Variants in TMEM108 observed in about 807,000 individuals in gnomAD.
TMEM108 encodes the protein transmembrane protein 108, also known as cancer/testis antigen 124.
Under a neutral mutation model 35.1 loss-of-function variants are expected in TMEM108, and 12 were observed. That is an observed-to-expected ratio of 0.34 (90% CI 0.22 to 0.55). The LOEUF (loss-of-function observed/expected upper bound fraction) is 0.55, where lower values mean the gene tolerates loss of function less well. TMEM108 is among the 20% of genes least tolerant of loss of function. The pLI is 0.89. For missense variants in TMEM108, 680 were observed against 753.3 expected (o/e 0.90, Z 1.14); for synonymous variants, 287 against 308.6 (o/e 0.93, Z 0.73).
intron 3 of TMEM108, among the ~76,000 whole-genome samples, chr3:133,244,584 A>G (rs150991898): frequency 1.2e-3 from 180 of 152,360 alleles, no homozygotes; most frequent in Non-Finnish European, 2.2e-3. Flanking sequence ...TCATAATGAT[A>G]AATGAGTATG....
In TMEM108 at chr3:133,396,337, C is replaced by G. The variant is rs572219680; in HGVS notation, c.*351C>G. ...AGCTGAATGTTACAGTGCAAGCGCACGATTCTTTGAGTGATTCTTAAAGCT... is the reference window on the plus strand; with the variant it reads ...AGCTGAATGTTACAGTGCAAGCGCAGGATTCTTTGAGTGATTCTTAAAGCT... On this transcript the variant is annotated 3_prime_UTR_variant, in exon 6 of 6. Transcript: ENST00000321871. The G allele has an allele frequency of 6.5e-6, 1 of 153,452 alleles. No individual in the cohort carries two copies. The highest frequency in any genetic ancestry group is 2.4e-5 in the African/African-American group (1 of 41,414). 9.5% of individuals were successfully genotyped at this position (153,452 alleles called of 1,614,324 possible).
chr3:133,108,248 G>A (rs183031712), intron 2 of TMEM108, among the ~76,000 whole-genome samples: 19 of 152,056 alleles, frequency 1.2e-4, no homozygotes, highest in East Asian at 3.9e-4. Flanking sequence ...AAAGTTGTTC[G>A]TTCCTATTTC....
At chr3:133,165,942 C>T (rs1178998832) in intron 2 of TMEM108, among the ~76,000 whole-genome samples, 1 of 152,158 alleles carries the variant, frequency 6.6e-6, no homozygotes, top group Non-Finnish European at 1.5e-5. Context: ...CATGAAGGCA[C>T]CCAAGTGGGC....
chr3:133,237,034 G>A (rs1946247420), intron 3 of TMEM108, among the ~76,000 whole-genome samples: 1 of 152,074 alleles, frequency 6.6e-6, no homozygotes. Flanking sequence ...ATTTGGTATT[G>A]TTTTAAACAG....
intron 2 of TMEM108, among the ~76,000 whole-genome samples, chr3:133,189,603 A>G (rs1199570569): frequency 6.6e-6 from 1 of 152,202 alleles, no homozygotes; most frequent in Non-Finnish European, 1.5e-5. Context: ...TAATAATGGA[A>G]CAAAGTATCA....
chr3:133,101,316 C>T (rs1035257130), intron 2 of TMEM108, among the ~76,000 whole-genome samples: 3 of 152,188 alleles, frequency 2.0e-5, no homozygotes, highest in Non-Finnish European at 2.9e-5. Flanking sequence ...CCCTTCATCA[C>T]CCCTGCCTTG....
intron 2 of TMEM108, among the ~76,000 whole-genome samples, chr3:133,054,609 T>G (rs768144701): frequency 1.3e-5 from 2 of 152,232 alleles, no homozygotes; most frequent in African/African-American, 2.4e-5. Context: ...TGTGTTTTGT[T>G]CACTTTCTCC....
At chr3:133,094,983 G>A (rs1050322370) in intron 2 of TMEM108, among the ~76,000 whole-genome samples, 7 of 152,302 alleles carry the variant, frequency 4.6e-5, no homozygotes, top group Admixed American at 4.6e-4. Flanking sequence ...AAGTGACTAA[G>A]TGAATTAATT....
chr3:133,330,775 T>C (rs1016549376), intron 3 of TMEM108, among the ~76,000 whole-genome samples: 1 of 151,986 alleles, frequency 6.6e-6, no homozygotes, highest in African/African-American at 2.4e-5. Context: ...ATGTGTTCAA[T>C]TCTATGGAAA....
At chr3:133,245,970 A>T (rs1245618225) in intron 3 of TMEM108, 2 of 151,772 alleles carry the variant, frequency 1.3e-5, no homozygotes, top group African/African-American at 4.8e-5. Flanking sequence ...TTTTTTTCAG[A>T]CCAGGTCTTT....
chr3:133,350,883 A>C (rs2107769238), intron 3 of TMEM108, among the ~76,000 whole-genome samples: 1 of 152,230 alleles, frequency 6.6e-6, no homozygotes, highest in Middle Eastern at 3.4e-3. Flanking sequence ...TTGCTGGCAA[A>C]GTATCAGTAA....
At position 133,091,879 on chromosome 3, in the gene TMEM108, C is replaced by G. The variant is rs1231582031; in HGVS notation, c.-47+45859C>G. Among the ~76,000 whole-genome samples the G allele has an allele frequency of 2.0e-5, 3 of 152,170 alleles. No homozygotes were observed. In the East Asian group the frequency reaches 5.8e-4, roughly 29 times the overall value. On this transcript the variant is annotated intron_variant, in intron 2 of 5. Coordinates refer to ENST00000321871, the MANE Select transcript of TMEM108 (RefSeq NM_023943.4). ...TTATAAAAAAAAAACAAAACCCAAA[C>G]CATCATGGTAGCATAAGAGCATGAA...
In TMEM108 at chr3:133,318,546, A is replaced by G. The variant is rs111486744; in HGVS notation, c.41-61206A>G. Among the ~76,000 whole-genome samples the G allele has an allele frequency of 6.7e-3, 1,014 of 152,268 alleles. 5 individuals carry two copies. The highest frequency in any genetic ancestry group is 9.4e-3 in the Non-Finnish European group (636 of 68,012). ...TGATTCCAGAATCTATGAACTTTGC[A>G]TGACACCCAGCCATGTTCTCATAAG... is the stretch of plus-strand genomic sequence containing the variant. On this transcript the variant is annotated intron_variant, in intron 3 of 5. Transcript: ENST00000321871.
intron 3 of TMEM108, among the ~76,000 whole-genome samples, chr3:133,353,871 A>G (rs1450797469): frequency 6.6e-6 from 1 of 152,202 alleles, no homozygotes; most frequent in African/African-American, 2.4e-5. Flanking sequence ...TATTTGCCCA[A>G]GCTTTGCTTT....
Position 133,381,051 on chromosome 3 carries a change from T to G in TMEM108, c.1340T>G (p.Ile447Ser). ...GTWKPGTAGN[I>S]SHVAEGDKPQ... Reference sequence around the variant, plus strand: ...TGGAAGCCTGGGACAGCAGGGAACATCTCCCATGTGGCCGAGGGGGACAAA... The same window carrying G: ...TGGAAGCCTGGGACAGCAGGGAACAGCTCCCATGTGGCCGAGGGGGACAAA... Residue 447 changes from isoleucine (I) to serine (S), a missense_variant, in exon 4 of 6, where the codon ATC becomes AGC. By Grantham distance (142) the Ile-to-Ser change is moderately radical. Transcript: ENST00000321871. 1 of 1,614,104 alleles carries G rather than the reference T, an allele frequency of 6.2e-7. No homozygotes were observed. Among genetic ancestry groups the G allele is most frequent in the Non-Finnish European group, 8.5e-7 (1 of 1,180,024 alleles).
chr3:133,077,395 G>A (rs1247362387), intron 2 of TMEM108, among the ~76,000 whole-genome samples: 3 of 152,144 alleles, frequency 2.0e-5, no homozygotes, highest in Non-Finnish European at 4.4e-5. Flanking sequence ...CTGCCCAGGG[G>A]AGGTGCCAGG....
chr3:133,344,354 A>G (rs1384519909), intron 3 of TMEM108, among the ~76,000 whole-genome samples: 2 of 151,832 alleles, frequency 1.3e-5, no homozygotes, highest in Admixed American at 1.3e-4. Flanking sequence ...CAGTCCAAAA[A>G]CTACATGTCA....
At chr3:133,353,963 T>C (rs373132416) in intron 3 of TMEM108, among the ~76,000 whole-genome samples, 7 of 152,338 alleles carry the variant, frequency 4.6e-5, no homozygotes, top group African/African-American at 1.7e-4. Flanking sequence ...TTGTGTCCAT[T>C]GATTTGCTTG....
rs146509618 is a variant in TMEM108, at chr3:133,308,282, A to G, written c.41-71470A>G. Among the ~76,000 whole-genome samples the G allele has an allele frequency of 5.6e-3, 856 of 152,190 alleles. 18 individuals are homozygous for G. Among genetic ancestry groups the G allele is most frequent in the African/African-American group, 0.02 (822 of 41,496 alleles). On this transcript the variant is annotated intron_variant, in intron 3 of 5. Transcript: ENST00000321871. ...TGGGCTAAGACGATGGGGTTTTCTAAATAGACAATCATGTCATCTGCAAAC... is the reference window on the plus strand; with the variant it reads ...TGGGCTAAGACGATGGGGTTTTCTAGATAGACAATCATGTCATCTGCAAAC...
Sources: allele counts gnomAD v4.1 joint callset (sites outside exome capture counted in the v4.1 genomes callset), GRCh38; gene constraint gnomAD v4.1.1; transcripts MANE v1.5; gene names NCBI Gene and HGNC (gene_info 2026-07-23, HGNC 2026-07-21).